Variants in NBEAL1 observed in about 807,000 individuals in gnomAD.
NBEAL1 encodes neurobeachin-like protein 1.
Under a neutral mutation model 351.3 loss-of-function variants are expected in NBEAL1, and 273 were observed. That is an observed-to-expected ratio of 0.78 (90% CI 0.70 to 0.86). The LOEUF (loss-of-function observed/expected upper bound fraction) is 0.86, where lower values mean the gene tolerates loss of function less well. NBEAL1 is among the 40% of genes least tolerant of loss of function. The probability of loss-of-function intolerance (pLI) is 0.00; values close to 1 mark genes in which losing one functional copy is unlikely to be tolerated. For missense variants in NBEAL1, 2,961 were observed against 3,201.3 expected, an observed-to-expected ratio of 0.92 and a Z score of 1.81; for synonymous variants, 1,050 against 1,086.4, an observed-to-expected ratio of 0.97 and a Z score of 0.66.
chr2:203,138,735 G>A lies in NBEAL1; in HGVS notation c.4835G>A (p.Arg1612Lys). 1 of 1,611,140 alleles carries A rather than the reference G, an allele frequency of 6.2e-7. No homozygotes were observed. The highest frequency in any genetic ancestry group is 8.5e-7 in the Non-Finnish European group (1 of 1,179,144). The change falls in exon 31 of 56, where the codon AGG becomes AAG. Residue 1612 changes from arginine (R) to lysine (K), a missense_variant. Transcript: ENST00000683969. ...CAGTTGCTTCTAGGATTCATTGGAAGGGGTAATTTGCAGGTTTGTCCATTC... is the reference window on the plus strand; with the variant it reads ...CAGTTGCTTCTAGGATTCATTGGAAAGGGTAATTTGCAGGTTTGTCCATTC... ...QIQLLLGFIG[R>K]GNLQVCAMAS... is the part of the protein sequence containing the mutation.
intron 12 of NBEAL1, among the ~76,000 whole-genome samples, chr2:203,104,451 C>T (rs940208988): frequency 1.3e-5 from 2 of 152,280 alleles, no homozygotes; most frequent in South Asian, 4.2e-4. Context: ...TGAGATGAGT[C>T]TCTTGAAGAC....
rs553607619 is a variant in NBEAL1, at chr2:203,207,859, AG to A, written c.7507-777del. Among the ~76,000 whole-genome samples the A allele has an allele frequency of 2.0e-3, 298 of 152,362 alleles. 3 individuals are homozygous for A. The highest frequency in any genetic ancestry group is 3.2e-3 in the Admixed American group (49 of 15,304). ...AATCAAATTAGTGGCCTGGAAAAAA[AG>A]ATGTAATCAAAGTGAATGCCAATAA... On this transcript the variant is annotated intron_variant, in intron 51 of 55. Coordinates refer to ENST00000683969, the MANE Select transcript of NBEAL1 (RefSeq NM_001378026.1).
intron 54 of NBEAL1, among the ~76,000 whole-genome samples, chr2:203,212,135 C>T (rs1482944815): frequency 1.3e-5 from 2 of 151,930 alleles, no homozygotes; most frequent in Admixed American, 6.6e-5. Context: ...GATCCACCCA[C>T]CTCAGCCTTC....
Position 203,222,857 on chromosome 2 carries a change from C to A in NBEAL1, c.*5503C>A, listed in dbSNP as rs1311782051. Among the ~76,000 whole-genome samples the A allele has an allele frequency of 6.6e-6, 1 of 152,074 alleles. No individual in the cohort carries two copies. The highest frequency in any genetic ancestry group is 1.5e-5 in the Non-Finnish European group (1 of 68,000). On this transcript the variant is annotated 3_prime_UTR_variant, in exon 56 of 56. Transcript: ENST00000683969. Reference sequence around the variant, plus strand: ...CTTCCAATGACTTTTGCAGGTACAGCCTCTGTATGGAAATAATCTTTAATT... The same window carrying A: ...CTTCCAATGACTTTTGCAGGTACAGACTCTGTATGGAAATAATCTTTAATT...
intron 25 of NBEAL1, 63 bp from the exon 26 acceptor site, chr2:203,131,910 A>C (rs1007478597): frequency 4.2e-6 from 5 of 1,185,730 alleles, no homozygotes; most frequent in Non-Finnish European, 5.7e-6. Context: ...TAACATTTTT[A>C]ATGTTAAATG....
chr2:203,203,309 T>TC (rs2065454177), intron 51 of NBEAL1, among the ~76,000 whole-genome samples: 1 of 150,598 alleles, frequency 6.6e-6, no homozygotes, highest in Non-Finnish European at 1.5e-5. Context: ...GCCTGGCTAT[T>TC]TTTTTTTTAT....
chr2:203,130,363 C>G lies in NBEAL1; in HGVS notation c.3451C>G (p.Pro1151Ala). Residue 1151 changes from proline to alanine, a missense_variant, in exon 25 of 56, where the codon CCA becomes GCA. Physicochemically the swap from Pro to Ala is conservative, Grantham distance 27 (BLOSUM62 -1). Coordinates refer to ENST00000683969, the MANE Select transcript of NBEAL1 (RefSeq NM_001378026.1). Reference sequence around the variant, plus strand: ...GCTCTTCAGTCTCCTACGTACCAGCCCAACCAGAGGTCAGCTTTTCTTACT... The same window carrying G: ...GCTCTTCAGTCTCCTACGTACCAGCGCAACCAGAGGTCAGCTTTTCTTACT... Reference protein sequence around the residue: ...DVLFSLLRTSPTRGQLFLLLF... With the variant: ...DVLFSLLRTSATRGQLFLLLF... 1.3e-6 allele frequency: 2 copies of G among 1,533,180 alleles called. No individual in the cohort carries two copies. The highest frequency in any genetic ancestry group is 1.8e-6 in the Non-Finnish European group (2 of 1,140,352). 95.0% of individuals were successfully genotyped at this position (1,533,180 alleles called of 1,614,324 possible).
At chr2:203,117,757 C>T (rs2062733130) in intron 18 of NBEAL1, among the ~76,000 whole-genome samples, 1 of 151,996 alleles carries the variant, frequency 6.6e-6, no homozygotes, top group East Asian at 1.9e-4. Context: ...TCATGGCCTA[C>T]TATGGTCTTG....
At chr2:203,023,606 T>TG (rs941250587) in intron 2 of NBEAL1, among the ~76,000 whole-genome samples, 33 of 145,728 alleles carry the variant, frequency 2.3e-4, no homozygotes, top group East Asian at 1.2e-3. Context: ...TTCTTGTGTG[T>TG]TTTTTTTTTT....
intron 7 of NBEAL1, among the ~76,000 whole-genome samples, chr2:203,077,518 CCTTA>C (rs1337006752): frequency 2.0e-5 from 3 of 152,168 alleles, no homozygotes; most frequent in Non-Finnish European, 2.9e-5. Flanking sequence ...CAAATATCAT[CCTTA>C]TATGGAGAAT....
intron 36 of NBEAL1, among the ~76,000 whole-genome samples, chr2:203,165,129 G>T (rs1264047433): frequency 6.6e-6 from 1 of 152,094 alleles, no homozygotes; most frequent in Non-Finnish European, 1.5e-5. Context: ...CCAAAGTGCT[G>T]GGATTACAGG....
At chr2:203,103,394 C>T (rs553705823) in intron 12 of NBEAL1, among the ~76,000 whole-genome samples, 1 of 152,140 alleles carries the variant, frequency 6.6e-6, no homozygotes, top group Admixed American at 6.5e-5. Context: ...CTGCCAGCCT[C>T]CTGAGTAGCT....
chr2:203,200,746 C>G (rs1279189371), intron 49 of NBEAL1, among the ~76,000 whole-genome samples: 1 of 152,104 alleles, frequency 6.6e-6, no homozygotes, highest in Non-Finnish European at 1.5e-5. Context: ...TGTTGAGGAT[C>G]AAATTACACC....
chr2:203,150,392 T>C (rs2063618124), intron 34 of NBEAL1, among the ~76,000 whole-genome samples: 1 of 152,098 alleles, frequency 6.6e-6, no homozygotes, highest in Non-Finnish European at 1.5e-5. Context: ...TGCCCATTTT[T>C]AGATTGTTTG....
chr2:203,189,884 C>G (rs1032541132), intron 45 of NBEAL1, among the ~76,000 whole-genome samples: 5 of 151,298 alleles, frequency 3.3e-5, no homozygotes, highest in Non-Finnish European at 5.9e-5. Context: ...GCCTGTAATC[C>G]CAGCACTTTG....
At chr2:203,015,052 G>A (rs2060653695) in intron 1 of NBEAL1, 70 bp downstream of exon 1, 1 of 152,864 alleles carries the variant, frequency 6.5e-6, no homozygotes, top group Non-Finnish European at 1.5e-5. Flanking sequence ...GAGGGCCCCG[G>A]TGCTTGGTGG....
intron 4 of NBEAL1, among the ~76,000 whole-genome samples, chr2:203,056,036 A>G (rs1000442766): frequency 5.3e-5 from 8 of 152,248 alleles, no homozygotes; most frequent in Non-Finnish European, 8.8e-5. Context: ...GTATGTACAA[A>G]AAAGAAAACT....
At position 203,157,753 on chromosome 2, in the gene NBEAL1, A is replaced by T; in HGVS notation, c.5642A>T (p.Gln1881Leu). The stretch of plus-strand genomic sequence containing the variant: ...ACATTGCTTTTGGAAGTAGTGAAAC[A>T]AGTAAAAGTTAGTGATATGGTGGAG... ...SDTLLLEVVKQVKVSDMVEDK... is the reference protein window; with the variant it reads ...SDTLLLEVVKLVKVSDMVEDK... The change falls in exon 36 of 56, where the codon CAA (glutamine) becomes CTA (leucine). Residue 1881 changes from glutamine (Q) to leucine (L), a missense_variant. Coordinates refer to ENST00000683969, the MANE Select transcript of NBEAL1 (RefSeq NM_001378026.1). 6.3e-7 allele frequency: 1 copy of T among 1,598,318 alleles called. No individual in the cohort carries two copies. Among genetic ancestry groups the T allele is most frequent in the Non-Finnish European group, 8.5e-7 (1 of 1,172,912 alleles).
At chr2:203,198,961 G>A (rs1467484554) in intron 48 of NBEAL1, among the ~76,000 whole-genome samples, 1 of 152,070 alleles carries the variant, frequency 6.6e-6, no homozygotes, top group East Asian at 1.9e-4. Context: ...GCCGAGGTGG[G>A]AGGCTCACTT....
Sources: gnomAD v4.1 joint callset for allele counts (sites outside exome capture counted in the v4.1 genomes callset) on GRCh38, gnomAD v4.1.1 for gene constraint, MANE v1.5 for transcripts, NCBI Gene and HGNC (gene_info 2026-07-23, HGNC 2026-07-21) for gene names.